The following CLSTN2 variants were observed in gnomAD, a reference collection of about 807,000 sequenced individuals.
CLSTN2 encodes the protein calsyntenin-2.
A neutral mutation model predicts 101.2 loss-of-function variants in CLSTN2; 48 were observed. The ratio of observed to expected loss-of-function variants is 0.47; its 90% CI spans 0.38 to 0.60. CLSTN2 has a LOEUF of 0.60. CLSTN2 is among the 20% of genes least tolerant of loss of function. CLSTN2 has a pLI of 0.00. For missense variants in CLSTN2, 1,160 were observed against 1,238.2 expected, an observed-to-expected ratio of 0.94 and a Z score of 0.95; for synonymous variants, 481 against 463.6, an observed-to-expected ratio of 1.04 and a Z score of -0.48.
chr3:139,949,586 C>T (rs1235912496), intron 1 of CLSTN2, among the ~76,000 whole-genome samples: 1 of 152,128 alleles, frequency 6.6e-6, no homozygotes, highest in Non-Finnish European at 1.5e-5. Flanking sequence ...GCTAGATAGC[C>T]CAGGGTCATG....
chr3:140,382,495 G>A (rs369858820), intron 2 of CLSTN2, among the ~76,000 whole-genome samples: 7 of 152,316 alleles, frequency 4.6e-5, no homozygotes, highest in African/African-American at 1.7e-4. Context: ...TGTCAGGGAA[G>A]TCAGTTCAAT....
intron 1 of CLSTN2, among the ~76,000 whole-genome samples, chr3:140,053,478 A>G (rs2008040851): frequency 6.6e-6 from 1 of 152,188 alleles, no homozygotes; most frequent in African/African-American, 2.4e-5. Context: ...CACGATTAAC[A>G]AAAGTGTACA....
At chr3:139,987,490 A>G (rs780758529) in intron 1 of CLSTN2, among the ~76,000 whole-genome samples, 14 of 152,224 alleles carry the variant, frequency 9.2e-5, no homozygotes, top group Non-Finnish European at 1.9e-4. Context: ...CTGACCCTCA[A>G]GTAGTCCCAC....
At chr3:140,563,438 T>G (rs1935960393) in intron 15 of CLSTN2, among the ~76,000 whole-genome samples, 2 of 152,198 alleles carry the variant, frequency 1.3e-5, no homozygotes, top group Admixed American at 1.3e-4. Context: ...TACAAAGGGC[T>G]GGGACAAAAT....
intron 1 of CLSTN2, among the ~76,000 whole-genome samples, chr3:140,051,555 C>A (rs1306809940): frequency 2.0e-5 from 3 of 152,068 alleles, no homozygotes; most frequent in African/African-American, 7.2e-5. Context: ...CTGCAAGGGG[C>A]CAGGAGGAGG....
At position 140,150,254 on chromosome 3, in the gene CLSTN2, G is replaced by A. The variant is rs139053359; in HGVS notation, c.110-25697G>A. 5.1e-3 allele frequency among the ~76,000 whole-genome samples: 784 copies of A among 152,280 alleles called. 2 individuals carry two copies. The highest frequency in any genetic ancestry group is 8.0e-3 in the Non-Finnish European group (544 of 68,020). ...ATCTACCTGCTTGGAAGGAATGAGCGTTGCACAGTGATAGAAGCATATGCT... is the reference window on the plus strand; with the variant it reads ...ATCTACCTGCTTGGAAGGAATGAGCATTGCACAGTGATAGAAGCATATGCT... On this transcript the variant is annotated intron_variant, in intron 1 of 16. Coordinates refer to ENST00000458420, the MANE Select transcript of CLSTN2 (RefSeq NM_022131.3).
chr3:140,499,880 C>A (rs954980367), intron 8 of CLSTN2, among the ~76,000 whole-genome samples: 1 of 151,988 alleles, frequency 6.6e-6, no homozygotes, highest in South Asian at 2.1e-4. Context: ...CTGGCTAACA[C>A]GGTGAAACCC....
chr3:140,479,134 C>T (rs1934058224), intron 8 of CLSTN2, among the ~76,000 whole-genome samples: 1 of 152,104 alleles, frequency 6.6e-6, no homozygotes, highest in South Asian at 2.1e-4. Flanking sequence ...ATGAAAAGAT[C>T]TGAGCAGGTA....
intron 2 of CLSTN2, among the ~76,000 whole-genome samples, chr3:140,289,983 CTT>C (rs1327836174): frequency 1.3e-5 from 2 of 150,282 alleles, no homozygotes; most frequent in Admixed American, 6.7e-5. Context: ...TCAGAAGTCT[CTT>C]TGATCAGCCT....
chr3:140,267,690 G>C (rs577193748), intron 2 of CLSTN2, among the ~76,000 whole-genome samples: 11 of 152,280 alleles, frequency 7.2e-5, no homozygotes, highest in African/African-American at 2.6e-4. Flanking sequence ...CAGGAGACAG[G>C]GAATCTTTGA....
intron 2 of CLSTN2, among the ~76,000 whole-genome samples, chr3:140,324,015 A>G (rs567819993): frequency 6.6e-6 from 1 of 152,370 alleles, no homozygotes; most frequent in African/African-American, 2.4e-5. Context: ...CTACCAAAGA[A>G]GAATAGATCT....
intron 9 of CLSTN2, among the ~76,000 whole-genome samples, chr3:140,545,955 T>C (rs1421454194): frequency 6.6e-6 from 1 of 152,210 alleles, no homozygotes; most frequent in Non-Finnish European, 1.5e-5. Flanking sequence ...GCATTTCTAG[T>C]ATTCCTCAGT....
intron 8 of CLSTN2, among the ~76,000 whole-genome samples, chr3:140,476,344 T>G (rs578225509): frequency 4.9e-4 from 75 of 152,360 alleles, no homozygotes; most frequent in African/African-American, 1.5e-3. Flanking sequence ...ATCAAGCACT[T>G]TCTTTTAGTT....
intron 2 of CLSTN2, among the ~76,000 whole-genome samples, chr3:140,198,379 T>C (rs1418880613): frequency 6.6e-6 from 1 of 152,216 alleles, no homozygotes; most frequent in African/African-American, 2.4e-5. Context: ...CATAGGAGAC[T>C]GGGCACAGCG....
intron 1 of CLSTN2, among the ~76,000 whole-genome samples, chr3:139,998,766 T>C (rs2006749600): frequency 6.6e-6 from 1 of 152,100 alleles, no homozygotes; most frequent in Admixed American, 6.5e-5. Flanking sequence ...TCCTTCCAGC[T>C]TCAGAACTGC....
At chr3:140,409,421 G>A (rs2088338617) in intron 4 of CLSTN2, among the ~76,000 whole-genome samples, 1 of 152,142 alleles carries the variant, frequency 6.6e-6, no homozygotes, top group African/African-American at 2.4e-5. Context: ...ACAGACCCCA[G>A]CTACCTGAAC....
At chr3:140,306,978 A>G (rs1192468480) in intron 2 of CLSTN2, among the ~76,000 whole-genome samples, 1 of 151,800 alleles carries the variant, frequency 6.6e-6, no homozygotes, top group South Asian at 2.1e-4. Flanking sequence ...TGTGGAAGGT[A>G]CCTGGTGGGA....
chr3:140,300,196 A>T (rs889729108), intron 2 of CLSTN2, among the ~76,000 whole-genome samples: 1 of 152,224 alleles, frequency 6.6e-6, no homozygotes, highest in South Asian at 2.1e-4. Context: ...AAGGGATTTT[A>T]TGCATAATAA....
At chr3:140,105,765 G>A (rs2009046735) in intron 1 of CLSTN2, among the ~76,000 whole-genome samples, 1 of 152,172 alleles carries the variant, frequency 6.6e-6, no homozygotes, top group South Asian at 2.1e-4. Flanking sequence ...CCTGTGTACA[G>A]GACAAGCACC....
Sources: allele counts gnomAD v4.1 joint callset (sites outside exome capture counted in the v4.1 genomes callset), GRCh38; gene constraint gnomAD v4.1.1; transcripts MANE v1.5; gene names NCBI Gene and HGNC (gene_info 2026-07-23, HGNC 2026-07-21).